The following COL19A1 variants were observed in gnomAD, a reference collection of about 807,000 sequenced individuals.
COL19A1 encodes collagen alpha-1(XIX) chain.
A neutral mutation model predicts 190.2 loss-of-function variants in COL19A1; 159 were observed. That is an observed-to-expected ratio of 0.84 (90% CI 0.73 to 0.95). COL19A1 has a LOEUF of 0.95. Among genes scored for constraint, COL19A1 ranks in the 40% least tolerant of loss-of-function variants. COL19A1 has a pLI of 0.00. For missense variants in COL19A1, 1,418 were observed against 1,431.9 expected, an observed-to-expected ratio of 0.99 and a Z score of 0.16; for synonymous variants, 509 against 458.9, an observed-to-expected ratio of 1.11 and a Z score of -1.39.
intron 14 of COL19A1, among the ~76,000 whole-genome samples, chr6:70,049,742 A>G (rs954956389): frequency 2.2e-4 from 34 of 151,950 alleles, no homozygotes; most frequent in Admixed American, 2.0e-3. Context: ...ATACTCAGCA[A>G]TCTAGAAAAA....
chr6:69,947,489 A>G (rs984000178), intron 9 of COL19A1, among the ~76,000 whole-genome samples: 1 of 151,822 alleles, frequency 6.6e-6, no homozygotes. Flanking sequence ...TTTTCCCTAT[A>G]TATGCCTATA....
At chr6:70,072,337 T>A (rs910010672) in intron 15 of COL19A1, among the ~76,000 whole-genome samples, 1 of 152,152 alleles carries the variant, frequency 6.6e-6, no homozygotes, top group Non-Finnish European at 1.5e-5. Flanking sequence ...AAGGTTAGCG[T>A]GAAGCTACCC....
At chr6:70,060,023 A>G (rs1440847394) in intron 14 of COL19A1, among the ~76,000 whole-genome samples, 1 of 152,194 alleles carries the variant, frequency 6.6e-6, no homozygotes, top group Non-Finnish European at 1.5e-5. Flanking sequence ...TCTGTAAAAT[A>G]TCAGGTTTTG....
At chr6:69,877,285 A>G (rs1362051021) in intron 1 of COL19A1, among the ~76,000 whole-genome samples, 1 of 152,196 alleles carries the variant, frequency 6.6e-6, no homozygotes, top group Non-Finnish European at 1.5e-5. Context: ...TAGTTGCTTC[A>G]CTAAAAAAAT....
intron 11 of COL19A1, among the ~76,000 whole-genome samples, chr6:70,005,258 T>A (rs1463695309): frequency 3.3e-5 from 5 of 152,220 alleles, no homozygotes; most frequent in African/African-American, 7.2e-5. Context: ...CAACATTTTT[T>A]CATTGATTGT....
chr6:69,925,610 C>T, intron 4 of COL19A1, among the ~76,000 whole-genome samples: 1 of 152,024 alleles, frequency 6.6e-6, no homozygotes, highest in Non-Finnish European at 1.5e-5. Context: ...TAGTTTTTTC[C>T]AATTCTGTGA....
chr6:70,073,233 G>A (rs6920814), intron 15 of COL19A1, among the ~76,000 whole-genome samples: 8 of 151,820 alleles, frequency 5.3e-5, no homozygotes, highest in Non-Finnish European at 8.8e-5. Context: ...GGTGATCCAC[G>A]CTCCTTGGCC....
intron 1 of COL19A1, among the ~76,000 whole-genome samples, chr6:69,871,238 T>C (rs1767804065): frequency 6.6e-6 from 1 of 152,216 alleles, no homozygotes; most frequent in South Asian, 2.1e-4. Flanking sequence ...GACTCTACTA[T>C]AGCTTCACTA....
chr6:70,076,508 C>T (rs1781891549), intron 15 of COL19A1, among the ~76,000 whole-genome samples: 1 of 152,206 alleles, frequency 6.6e-6, no homozygotes, highest in Non-Finnish European at 1.5e-5. Context: ...GATGAGCACA[C>T]ATTCTGTCCC....
chr6:70,062,109 T>G (rs1780872714), intron 14 of COL19A1, among the ~76,000 whole-genome samples: 1 of 152,028 alleles, frequency 6.6e-6, no homozygotes, highest in South Asian at 2.1e-4. Flanking sequence ...AACATTAAAT[T>G]GCTCCCAAAG....
chr6:70,133,158 G>T (rs764707700), intron 18 of COL19A1, among the ~76,000 whole-genome samples: 7 of 152,142 alleles, frequency 4.6e-5, no homozygotes, highest in Non-Finnish European at 8.8e-5. Flanking sequence ...CTCAGTTTGT[G>T]CTGTAGAATA....
intron 50 of COL19A1, 84 bp from the exon 51 acceptor site, chr6:70,207,063 T>G: frequency 6.2e-7 from 1 of 1,602,024 alleles, no homozygotes; most frequent in Non-Finnish European, 8.5e-7. Context: ...ATATGTCAAG[T>G]CGAGTGATCC....
chr6:69,907,961 C>G, intron 4 of COL19A1, among the ~76,000 whole-genome samples: 1 of 152,058 alleles, frequency 6.6e-6, no homozygotes, highest in Non-Finnish European at 1.5e-5. Context: ...AGCTACACTT[C>G]CCCCTTGCTT....
rs752212318 is a variant in COL19A1, at chr6:70,172,026, A to G, written c.2622+9A>G. The G allele has an allele frequency of 3.1e-6, 5 of 1,608,466 alleles. No individual in the cohort carries two copies. The highest frequency in any genetic ancestry group is 3.4e-6 in the Non-Finnish European group (4 of 1,178,170). ...GATTTCCAGGTGTAAAGGTAAGCAC[A>G]GAAGTTAGAAATGTGTTCATTTATT... On this transcript the variant is annotated intron_variant, in intron 41 of 50. Coordinates refer to ENST00000620364, the MANE Select transcript of COL19A1 (RefSeq NM_001858.6).
intron 14 of COL19A1, among the ~76,000 whole-genome samples, chr6:70,062,489 A>G (rs1178445885): frequency 3.3e-5 from 5 of 152,260 alleles, no homozygotes; most frequent in Non-Finnish European, 2.9e-5. Flanking sequence ...AGCACTAAAC[A>G]TGGAAAGGAA....
chr6:70,089,015 C>T (rs137990229), intron 15 of COL19A1, among the ~76,000 whole-genome samples: 154 of 152,204 alleles, frequency 1.0e-3, no homozygotes, highest in African/African-American at 3.0e-3. Context: ...TCTAAATGAA[C>T]GTATGAATAT....
rs1768093247 is a variant in COL19A1 at position 70,210,015 on chromosome 6, T to C, written c.*2741T>C. ...AATCCCTTGCACCATTTTATTCCAT[T>C]CCAAAACATGTGTTTATTTCCACAT... On this transcript the variant is annotated 3_prime_UTR_variant, in exon 51 of 51. Transcript: ENST00000620364. 1 of 152,164 alleles carries C rather than the reference T, an allele frequency of 6.6e-6. No individual in the cohort carries two copies. The highest frequency in any genetic ancestry group is 6.5e-5 in the Admixed American group (1 of 15,272). The allele number at this position is 152,164 out of a possible 1,614,324, so 9.4% of individuals were successfully genotyped here. A position where few individuals can be genotyped will look rare whatever the true frequency, so the allele number is the denominator to read the frequency against.
At chr6:70,028,177 G>A (rs1302597731) in intron 12 of COL19A1, among the ~76,000 whole-genome samples, 1 of 152,100 alleles carries the variant, frequency 6.6e-6, no homozygotes, top group Admixed American at 6.6e-5. Context: ...GCATACAGTG[G>A]GAGCCATAAA....
chr6:70,162,826 T>G (rs1787890912), intron 35 of COL19A1, among the ~76,000 whole-genome samples: 1 of 152,204 alleles, frequency 6.6e-6, no homozygotes, highest in Non-Finnish European at 1.5e-5. Context: ...GGCTTTAAAT[T>G]GTTCACTAAA....
Sources: gnomAD v4.1 joint callset for allele counts (sites outside exome capture counted in the v4.1 genomes callset) on GRCh38, gnomAD v4.1.1 for gene constraint, MANE v1.5 for transcripts, NCBI Gene and HGNC (gene_info 2026-07-23, HGNC 2026-07-21) for gene names.